Variants in CHST11 observed in about 807,000 individuals in gnomAD.
The protein encoded by CHST11 is carbohydrate sulfotransferase 11, also known as C4S-1.
Under a neutral mutation model 30.4 loss-of-function variants are expected in CHST11, and 9 were observed. That is an observed-to-expected ratio of 0.30 (90% CI 0.18 to 0.52). The LOEUF is 0.52. Ranked by LOEUF, CHST11 falls within the 20% of genes least tolerant of loss-of-function variation. The pLI, the probability that CHST11 is intolerant of heterozygous loss-of-function variation, is 0.97. For missense variants in CHST11, 348 were observed against 460.6 expected, an observed-to-expected ratio of 0.76 and a Z score of 2.24; for synonymous variants, 152 against 187.8, an observed-to-expected ratio of 0.81 and a Z score of 1.56.
chr12:104,755,201 G>T (rs550306132), intron 2 of CHST11, among the ~76,000 whole-genome samples: 8 of 152,268 alleles, frequency 5.3e-5, no homozygotes, highest in Non-Finnish European at 1.0e-4. Flanking sequence ...CAGATACTTG[G>T]GTTGCACTCA....
chr12:104,481,192 C>G (rs1593959380), intron 1 of CHST11, among the ~76,000 whole-genome samples: 1 of 152,332 alleles, frequency 6.6e-6, no homozygotes, highest in African/African-American at 2.4e-5. Context: ...AGCCTGACTT[C>G]AAGGTCCCGC....
At chr12:104,639,935 G>A (rs765552966) in intron 2 of CHST11, among the ~76,000 whole-genome samples, 5 of 152,182 alleles carry the variant, frequency 3.3e-5, no homozygotes, top group East Asian at 1.9e-4. Flanking sequence ...AACAGATGTC[G>A]CCAAAGGAGA....
At chr12:104,730,254 A>T (rs1423145663) in intron 2 of CHST11, among the ~76,000 whole-genome samples, 1 of 152,214 alleles carries the variant, frequency 6.6e-6, no homozygotes, top group Admixed American at 6.5e-5. Flanking sequence ...GAGAGCAGTT[A>T]ATTAACCTCT....
At chr12:104,483,412 G>T (rs988488011) in intron 1 of CHST11, among the ~76,000 whole-genome samples, 12 of 152,088 alleles carry the variant, frequency 7.9e-5, no homozygotes, top group African/African-American at 2.9e-4. Flanking sequence ...TGCCATGTTG[G>T]CCAAGCTGGT....
intron 1 of CHST11, among the ~76,000 whole-genome samples, chr12:104,483,272 C>G (rs1419194155): frequency 6.6e-6 from 1 of 152,132 alleles, no homozygotes; most frequent in Non-Finnish European, 1.5e-5. Flanking sequence ...GTGACGTGAT[C>G]TCAGCTCACT....
intron 2 of CHST11, among the ~76,000 whole-genome samples, chr12:104,716,878 G>A (rs868076051): frequency 6.6e-6 from 1 of 152,212 alleles, no homozygotes; most frequent in South Asian, 2.1e-4. Flanking sequence ...TTATGGTTCT[G>A]GGGCTCAGAA....
intron 1 of CHST11, among the ~76,000 whole-genome samples, chr12:104,571,365 G>T (rs2038624346): frequency 6.6e-6 from 1 of 152,108 alleles, no homozygotes; most frequent in Admixed American, 6.5e-5. Context: ...GTTTCCCCCT[G>T]TTGGTCAGGC....
At chr12:104,661,417 T>C (rs1293534830) in intron 2 of CHST11, among the ~76,000 whole-genome samples, 1 of 151,906 alleles carries the variant, frequency 6.6e-6, no homozygotes, top group Admixed American at 6.6e-5. Context: ...ATAATAATAA[T>C]ACAAAAAATT....
chr12:104,691,314 C>T (rs752210321), intron 2 of CHST11, among the ~76,000 whole-genome samples: 13 of 152,000 alleles, frequency 8.6e-5, no homozygotes, highest in African/African-American at 1.9e-4. Flanking sequence ...CTAGAGAGGG[C>T]GTCAGGTGGG....
intron 1 of CHST11, among the ~76,000 whole-genome samples, chr12:104,500,845 T>C (rs761503063): frequency 3.3e-5 from 5 of 152,166 alleles, no homozygotes; most frequent in Admixed American, 6.5e-5. Flanking sequence ...AATGAACTAT[T>C]GCGGTAGGTT....
chr12:104,652,768 T>C (rs1404318807), intron 2 of CHST11, among the ~76,000 whole-genome samples: 1 of 152,176 alleles, frequency 6.6e-6, no homozygotes, highest in Non-Finnish European at 1.5e-5. Flanking sequence ...GTCTTGTTGG[T>C]TTCGATCCTG....
chr12:104,459,578 T>C (rs990214675), intron 1 of CHST11, among the ~76,000 whole-genome samples: 1 of 152,260 alleles, frequency 6.6e-6, no homozygotes, highest in African/African-American at 2.4e-5. Flanking sequence ...GAAATAACTT[T>C]CTAGCCAAAG....
At chr12:104,740,585 A>G (rs2040338207) in intron 2 of CHST11, among the ~76,000 whole-genome samples, 1 of 152,208 alleles carries the variant, frequency 6.6e-6, no homozygotes, top group South Asian at 2.1e-4. Flanking sequence ...GCCATCTGAA[A>G]ATCAGAGGGT....
intron 1 of CHST11, among the ~76,000 whole-genome samples, chr12:104,496,489 C>G (rs1240709419): frequency 1.3e-5 from 2 of 152,198 alleles, no homozygotes; most frequent in Non-Finnish European, 2.9e-5. Flanking sequence ...ATTGTATTAA[C>G]AAATGCTTCA....
rs1406605785 is a variant in CHST11 at position 104,692,205 on chromosome 12, C to T, written c.205-64744C>T. Among the ~76,000 whole-genome samples the T allele has an allele frequency of 3.3e-5, 5 of 152,188 alleles. 1 individual carries two copies. The South Asian group carries it at 1.0e-3, about 32-fold the overall frequency. On this transcript the variant is annotated intron_variant, in intron 2 of 2. Transcript: ENST00000303694. ...TTCACCCACAGAGCGAACCTCGGTCCGCAGTCCTCAGAGCGTGCAGCCCAC... is the reference window on the plus strand; with the variant it reads ...TTCACCCACAGAGCGAACCTCGGTCTGCAGTCCTCAGAGCGTGCAGCCCAC...
At chr12:104,686,708 C>T (rs1385881282) in intron 2 of CHST11, among the ~76,000 whole-genome samples, 2 of 152,110 alleles carry the variant, frequency 1.3e-5, no homozygotes, top group African/African-American at 2.4e-5. Context: ...AGTGCAGTGG[C>T]GCGATCTCAG....
chr12:104,625,034 G>C (rs1399714139), intron 2 of CHST11, among the ~76,000 whole-genome samples: 4 of 152,184 alleles, frequency 2.6e-5, no homozygotes, highest in African/African-American at 4.8e-5. Context: ...AGTCACATTG[G>C]AGGATAGAGC....
intron 2 of CHST11, among the ~76,000 whole-genome samples, chr12:104,749,234 G>A (rs1013786916): frequency 2.0e-5 from 3 of 152,152 alleles, no homozygotes; most frequent in South Asian, 2.1e-4. Context: ...TGAATTTTCC[G>A]AGTCCTTTGA....
chr12:104,594,231 G>C (rs11112124), intron 1 of CHST11, among the ~76,000 whole-genome samples: 42,841 of 151,984 alleles, frequency 0.28, 6,194 homozygotes, highest in African/African-American at 0.34. Context: ...TGGCCATTCT[G>C]TCCCCACACT....
Sources: allele counts gnomAD v4.1 joint callset (sites outside exome capture counted in the v4.1 genomes callset), GRCh38; gene constraint gnomAD v4.1.1; transcripts MANE v1.5; gene names NCBI Gene and HGNC (gene_info 2026-07-23, HGNC 2026-07-21).